REEP5: variants seen among roughly 807,000 people sequenced by gnomAD.
REEP5 encodes receptor expression-enhancing protein 5.
A neutral mutation model predicts 22.4 loss-of-function variants in REEP5; 24 were observed. The ratio of observed to expected loss-of-function variants is 1.07; its 90% confidence interval spans 0.78 to 1.51. The LOEUF is 1.51. REEP5 is among the 40% of genes most tolerant of loss of function. The probability of loss-of-function intolerance (pLI) is 0.00; values close to 1 mark genes in which losing one functional copy is unlikely to be tolerated. For synonymous variants in REEP5, 103 were observed against 88.6 expected, an observed-to-expected ratio of 1.16 and a Z score of -0.92; for missense variants, 252 against 233.0, an observed-to-expected ratio of 1.08 and a Z score of -0.53.
chr5:112,921,873 A>G, intron 1 of REEP5, 200 bp downstream of exon 1: 1 of 531,268 alleles, frequency 1.9e-6, no homozygotes, highest in Non-Finnish European at 3.1e-6. Context: ...CAGCCCCGCG[A>G]CCCTCAGCCT....
In REEP5 at chr5:112,908,086, C is replaced by CTTTGTTTTT. The variant is rs1561657600; in HGVS notation, c.213-5569_213-5568insAAAAACAAA. On this transcript the variant is annotated intron_variant, in intron 2 of 4. Coordinates refer to ENST00000379638, the MANE Select transcript of REEP5 (RefSeq NM_005669.5). ...TTTGGAAAAGAATGAGCATCAGAGA[C>CTTTGTTTTT]TTTCTTTGTTTTTTGTTTTTTTTTT... 1.0e-4 allele frequency among the ~76,000 whole-genome samples: 8 copies of CTTTGTTTTT among 76,766 alleles called. 2 individuals are homozygous for CTTTGTTTTT. The highest frequency in any genetic ancestry group is 1.4e-4 in the African/African-American group (2 of 14,792). 50.4% of individuals were successfully genotyped at this position (76,766 alleles called of 152,430 possible). A position where few individuals can be genotyped will look rare whatever the true frequency, so the allele number is the denominator to read the frequency against.
At chr5:112,910,516 A>G (rs1296235359) in intron 2 of REEP5, among the ~76,000 whole-genome samples, 2 of 152,252 alleles carry the variant, frequency 1.3e-5, no homozygotes, top group Admixed American at 1.3e-4. Context: ...CTATAATACC[A>G]GATTTTTAAA....
chr5:112,878,336 A>C lies in REEP5; in HGVS notation c.*450T>G, dbSNP rs764162987. 1 of 158,602 alleles carries C rather than the reference A, an allele frequency of 6.3e-6. No individual in the cohort carries two copies. The highest frequency in any genetic ancestry group is 1.8e-4 in the South Asian group (1 of 5,442). The allele number at this position is 158,602 out of a possible 1,614,324, so 9.8% of individuals were successfully genotyped here. ...GTTGTAGTCAGACAGTAACATTTCC[A>C]TATGTACATGTGCACAAATACATTA... On this transcript the variant is annotated 3_prime_UTR_variant, in exon 5 of 5. Coordinates refer to ENST00000379638, the MANE Select transcript of REEP5 (RefSeq NM_005669.5).
At chr5:112,902,326 C>A in intron 3 of REEP5, 54 bp downstream of exon 3, 1 of 1,509,208 alleles carries the variant, frequency 6.6e-7, no homozygotes, top group Non-Finnish European at 8.9e-7. Flanking sequence ...TTTATTCCTA[C>A]TTCTTCTATA....
At chr5:112,910,085 T>C (rs1358808758) in intron 2 of REEP5, among the ~76,000 whole-genome samples, 1 of 152,156 alleles carries the variant, frequency 6.6e-6, no homozygotes, top group Non-Finnish European at 1.5e-5. Flanking sequence ...GGTGGATCAC[T>C]TGAGGTCAGG....
chr5:112,892,154 A>C, intron 3 of REEP5: 1 of 1,614,194 alleles, frequency 6.2e-7, no homozygotes, highest in Non-Finnish European at 8.5e-7. Context: ...GTAATGGAGA[A>C]GGATCGAGCT....
At chr5:112,918,236 A>G (rs980683404) in intron 2 of REEP5, among the ~76,000 whole-genome samples, 1 of 152,182 alleles carries the variant, frequency 6.6e-6, no homozygotes, top group Admixed American at 6.5e-5. Flanking sequence ...AATTATGCAC[A>G]CGGAAAGAAC....
intron 4 of REEP5, among the ~76,000 whole-genome samples, chr5:112,882,789 C>A (rs1768120228): frequency 6.6e-6 from 1 of 152,166 alleles, no homozygotes; most frequent in Admixed American, 6.6e-5. Context: ...ATGAGCAGTC[C>A]CTCTCCTTCG....
At position 112,913,909 on chromosome 5, in the gene REEP5, T is replaced by C. The variant is rs191363296; in HGVS notation, c.212+7254A>G. 4.9e-3 allele frequency among the ~76,000 whole-genome samples: 669 copies of C among 137,308 alleles called. 3 individuals carry two copies. The highest frequency in any genetic ancestry group is 0.011 in the Middle Eastern group (3 of 274). The allele number at this position is 137,308 out of a possible 152,430, so 90.1% of individuals were successfully genotyped here. A position where few individuals can be genotyped will look rare whatever the true frequency, so the allele number is the denominator to read the frequency against. On this transcript the variant is annotated intron_variant, in intron 2 of 4. Transcript: ENST00000379638. ...TAACATTTTATAACTCAAAACTGAA[T>C]GTGTGTGTGTTTGTGTGTGTGTGTG...
At chr5:112,884,569 G>T (rs1440225176) in intron 4 of REEP5, among the ~76,000 whole-genome samples, 3 of 151,712 alleles carry the variant, frequency 2.0e-5, no homozygotes, top group Non-Finnish European at 4.4e-5. Context: ...TAGAGAGCGG[G>T]TCTCCATAGG....
chr5:112,921,995 C>A, intron 1 of REEP5, 78 bp downstream of exon 1: 1 of 1,512,098 alleles, frequency 6.6e-7, no homozygotes, highest in Non-Finnish European at 8.9e-7. Context: ...CGAGTCCTCT[C>A]CCTGCTTCCT....
chr5:112,878,219 TC>T lies in REEP5; in HGVS notation c.*566del, dbSNP rs995079679. ...TAGTAGACCACACCAGCACAATGGT[TC>T]CTCCAGCTTTTGGCAGGTGGTCTTA... On this transcript the variant is annotated 3_prime_UTR_variant, in exon 5 of 5. Coordinates refer to ENST00000379638, the MANE Select transcript of REEP5 (RefSeq NM_005669.5). 1 of 152,894 alleles carries T rather than the reference TC, an allele frequency of 6.5e-6. No homozygotes were observed. The allele number at this position is 152,894 out of a possible 1,614,324, so 9.5% of individuals were successfully genotyped here. A position where few individuals can be genotyped will look rare whatever the true frequency, so the allele number is the denominator to read the frequency against.
intron 4 of REEP5, among the ~76,000 whole-genome samples, chr5:112,880,795 G>A (rs140578542): frequency 1.2e-3 from 188 of 152,258 alleles, no homozygotes; most frequent in Middle Eastern, 6.8e-3. Context: ...TGCTGATTAG[G>A]CTAAGGGAAG....
At chr5:112,913,665 C>G (rs1477877339) in intron 2 of REEP5, among the ~76,000 whole-genome samples, 1 of 151,898 alleles carries the variant, frequency 6.6e-6, no homozygotes, top group Non-Finnish European at 1.5e-5. Flanking sequence ...ATCTCATTTA[C>G]CACTATCCAC....
In REEP5 at chr5:112,878,620, A is replaced by AGAC. The variant is rs1767968769; in HGVS notation, c.*163_*165dup. 3 of 988,860 alleles carry AGAC rather than the reference A, an allele frequency of 3.0e-6. No homozygotes were observed. The highest frequency in any genetic ancestry group is 4.4e-6 in the Non-Finnish European group (3 of 680,958). The allele number at this position is 988,860 out of a possible 1,614,324, so 61.3% of individuals were successfully genotyped here. On this transcript the variant is annotated 3_prime_UTR_variant, in exon 5 of 5. Transcript: ENST00000379638. ...AGTTTAAAGTGCTCCCTATATATAT[A>AGAC]GACAGTAAAAGTAAGCAAAGAAACT...
rs1457428783 is a variant in REEP5, at chr5:112,877,344, T to TGTTA, written c.*1438_*1441dup. On this transcript the variant is annotated 3_prime_UTR_variant, in exon 5 of 5. Coordinates refer to ENST00000379638, the MANE Select transcript of REEP5 (RefSeq NM_005669.5). ...ACTGTACTGGCTGGATATTTAATCT[T>TGTTA]GTTAGTTTAGTTATACACTTGTTTT... 6.6e-6 allele frequency: 1 copy of TGTTA among 152,232 alleles called. No individual in the cohort carries two copies. Among genetic ancestry groups the TGTTA allele is most frequent in the African/African-American group, 2.4e-5 (1 of 41,462 alleles). The allele number at this position is 152,232 out of a possible 1,614,324, so 9.4% of individuals were successfully genotyped here. A position where few individuals can be genotyped will look rare whatever the true frequency, so the allele number is the denominator to read the frequency against.
intron 4 of REEP5, among the ~76,000 whole-genome samples, chr5:112,884,386 T>C (rs1768168072): frequency 1.3e-5 from 2 of 150,110 alleles, no homozygotes; most frequent in Admixed American, 6.6e-5. Context: ...TACCATTTTC[T>C]ATTTTTTTTT....
At chr5:112,884,291 T>C (rs1174805470) in intron 4 of REEP5, among the ~76,000 whole-genome samples, 2 of 152,120 alleles carry the variant, frequency 1.3e-5, no homozygotes, top group Non-Finnish European at 2.9e-5. Context: ...TGCACCCCTC[T>C]AGATCACTTC....
intron 3 of REEP5, chr5:112,894,050 A>C (rs1317040328): frequency 6.6e-6 from 1 of 151,618 alleles, no homozygotes; most frequent in Non-Finnish European, 1.5e-5. Context: ...ATTACAGCAG[A>C]CCCTGCAAGA....
Sources: gnomAD v4.1 joint callset for allele counts (sites outside exome capture counted in the v4.1 genomes callset) on GRCh38, gnomAD v4.1.1 for gene constraint, MANE v1.5 for transcripts, NCBI Gene and HGNC (gene_info 2026-07-23, HGNC 2026-07-21) for gene names.